The following RIT2 variants were observed in gnomAD, a reference collection of about 807,000 sequenced individuals.
RIT2 encodes the protein Ras like without CAAX 2, also known as GTP-binding protein Rit2.
Under a neutral mutation model 23.7 loss-of-function variants are expected in RIT2, and 24 were observed. The ratio of observed to expected loss-of-function variants is 1.01; its 90% confidence interval spans 0.73 to 1.43. The LOEUF (loss-of-function observed/expected upper bound fraction) is 1.43. Among genes scored for constraint, RIT2 ranks in the 40% most tolerant of loss-of-function variants. The pLI is 0.00. For missense variants in RIT2, 236 were observed against 266.9 expected, an observed-to-expected ratio of 0.88 and a Z score of 0.81; for synonymous variants, 107 against 91.1, an observed-to-expected ratio of 1.17 and a Z score of -0.99.
At chr18:42,814,410 T>C (rs1905937300) in intron 4 of RIT2, among the ~76,000 whole-genome samples, 1 of 152,116 alleles carries the variant, frequency 6.6e-6, no homozygotes, top group African/African-American at 2.4e-5. Context: ...GCCCTTTGGA[T>C]TGTGTGGGAG....
At chr18:43,065,688 G>A (rs1001698205) in intron 1 of RIT2, among the ~76,000 whole-genome samples, 3 of 152,010 alleles carry the variant, frequency 2.0e-5, no homozygotes, top group Non-Finnish European at 4.4e-5. Flanking sequence ...ACATATTCCT[G>A]CATGCTATTG....
At chr18:43,045,354 G>C (rs1432909956) in intron 1 of RIT2, among the ~76,000 whole-genome samples, 1 of 152,092 alleles carries the variant, frequency 6.6e-6, no homozygotes, top group Admixed American at 6.6e-5. Flanking sequence ...TAATCCATAT[G>C]AGAATTAACA....
intron 3 of RIT2, among the ~76,000 whole-genome samples, chr18:42,938,070 G>T (rs910552558): frequency 6.6e-6 from 1 of 151,646 alleles, no homozygotes. Context: ...GTATTCCAAG[G>T]ATTTTTGTAA....
At chr18:42,756,694 T>A (rs1913171213) in intron 4 of RIT2, among the ~76,000 whole-genome samples, 1 of 152,100 alleles carries the variant, frequency 6.6e-6, no homozygotes, top group Non-Finnish European at 1.5e-5. Flanking sequence ...CCTAAGGATA[T>A]CTTCACATAT....
chr18:42,992,336 A>C (rs1402328574), intron 2 of RIT2, among the ~76,000 whole-genome samples: 2 of 152,108 alleles, frequency 1.3e-5, no homozygotes, highest in Non-Finnish European at 2.9e-5. Flanking sequence ...AGATCTAAAT[A>C]ATTCTTGTCG....
At chr18:43,048,032 C>T (rs187127045) in intron 1 of RIT2, among the ~76,000 whole-genome samples, 1 of 152,180 alleles carries the variant, frequency 6.6e-6, no homozygotes, top group Non-Finnish European at 1.5e-5. Flanking sequence ...CCACAGGGAT[C>T]TGCGATCTAT....
chr18:42,842,054 G>C (rs911731786), intron 4 of RIT2, among the ~76,000 whole-genome samples: 1 of 152,176 alleles, frequency 6.6e-6, no homozygotes, highest in Admixed American at 6.5e-5. Context: ...AGCCAGTTGA[G>C]GGAGGTAAAA....
intron 1 of RIT2, among the ~76,000 whole-genome samples, chr18:43,096,039 T>C (rs1269932033): frequency 6.6e-6 from 1 of 151,854 alleles, no homozygotes; most frequent in Non-Finnish European, 1.5e-5. Flanking sequence ...AAAACACTTG[T>C]ATAGCACATG....
intron 4 of RIT2, among the ~76,000 whole-genome samples, chr18:42,747,818 G>A (rs1434215971): frequency 6.6e-6 from 1 of 151,998 alleles, no homozygotes; most frequent in Non-Finnish European, 1.5e-5. Context: ...ATGGTGTTAG[G>A]ATAATTGGCA....
At chr18:43,071,859 G>T (rs1324940367) in intron 1 of RIT2, among the ~76,000 whole-genome samples, 1 of 151,810 alleles carries the variant, frequency 6.6e-6, no homozygotes, top group Non-Finnish European at 1.5e-5. Flanking sequence ...AATCTGACAG[G>T]TGAACTGGAA....
At chr18:42,986,899 T>C (rs1012754065) in intron 2 of RIT2, among the ~76,000 whole-genome samples, 1 of 151,950 alleles carries the variant, frequency 6.6e-6, no homozygotes, top group African/African-American at 2.4e-5. Flanking sequence ...AAAAAGCAAA[T>C]TAAAACAATG....
chr18:43,075,968 A>AT (rs1427762788), intron 1 of RIT2, among the ~76,000 whole-genome samples: 1 of 152,148 alleles, frequency 6.6e-6, no homozygotes, highest in Non-Finnish European at 1.5e-5. Context: ...ACTAAGTATC[A>AT]TTTTTTATCA....
chr18:42,943,346 T>C (rs1463362926), intron 3 of RIT2, among the ~76,000 whole-genome samples: 1 of 152,086 alleles, frequency 6.6e-6, no homozygotes, highest in East Asian at 1.9e-4. Context: ...GGTGTGTTTT[T>C]ACAGAGCACT....
chr18:43,052,342 A>C (rs1353333809), intron 1 of RIT2, among the ~76,000 whole-genome samples: 1 of 152,100 alleles, frequency 6.6e-6, no homozygotes, highest in Non-Finnish European at 1.5e-5. Flanking sequence ...TGTTTATAGG[A>C]GTGATTTATT....
intron 4 of RIT2, among the ~76,000 whole-genome samples, chr18:42,804,310 T>G (rs1218559134): frequency 6.6e-6 from 1 of 152,000 alleles, no homozygotes; most frequent in Non-Finnish European, 1.5e-5. Context: ...TCTCAGCACT[T>G]TGGGAGGCCA....
intron 4 of RIT2, among the ~76,000 whole-genome samples, chr18:42,855,793 C>T (rs1173455314): frequency 6.6e-6 from 1 of 152,150 alleles, no homozygotes; most frequent in Non-Finnish European, 1.5e-5. Flanking sequence ...TAGCTTGCCT[C>T]AGAGTTACTA....
chr18:42,788,966 G>T (rs553880847), intron 4 of RIT2, among the ~76,000 whole-genome samples: 1 of 152,306 alleles, frequency 6.6e-6, no homozygotes, highest in Non-Finnish European at 1.5e-5. Context: ...ATAGAGCTAT[G>T]TAGTCAAGGG....
chr18:43,100,994 T>C (rs1913670247), intron 1 of RIT2, among the ~76,000 whole-genome samples: 1 of 151,626 alleles, frequency 6.6e-6, no homozygotes, highest in South Asian at 2.1e-4. Context: ...TGTGTGTTTG[T>C]ATTCACACAT....
chr18:43,070,176 A>T (rs1231825957), intron 1 of RIT2, among the ~76,000 whole-genome samples: 1 of 152,112 alleles, frequency 6.6e-6, no homozygotes, highest in Non-Finnish European at 1.5e-5. Flanking sequence ...CTGGAAAATA[A>T]TTTTTCACGG....
Sources: gnomAD v4.1 joint callset for allele counts (sites outside exome capture counted in the v4.1 genomes callset) on GRCh38, gnomAD v4.1.1 for gene constraint, MANE v1.5 for transcripts, NCBI Gene and HGNC (gene_info 2026-07-23, HGNC 2026-07-21) for gene names.